Variants in AMD1 observed in about 807,000 individuals in gnomAD.
AMD1 encodes the protein adenosylmethionine decarboxylase 1, also known as S-adenosylmethionine decarboxylase proenzyme.
A neutral mutation model predicts 40.2 loss-of-function variants in AMD1; 11 were observed. The ratio of observed to expected loss-of-function variants is 0.27; its 90% CI spans 0.17 to 0.45. AMD1 has a LOEUF of 0.45. Ranked by LOEUF, AMD1 falls within the 20% of genes least tolerant of loss-of-function variation. The pLI, the probability that AMD1 is intolerant of heterozygous loss-of-function variation, is 1.00. For synonymous variants in AMD1, 121 were observed against 130.8 expected, an observed-to-expected ratio of 0.93 and a Z score of 0.51; for missense variants, 257 against 410.2, an observed-to-expected ratio of 0.63 and a Z score of 3.23.
At chr6:110,888,605 C>T (rs1371825244) in intron 2 of AMD1, 25 of 258,444 alleles carry the variant, frequency 9.7e-5, no homozygotes, top group East Asian at 3.6e-4. Context: ...TGTGCCTGGC[C>T]TCTCTCTTTT....
chr6:110,885,266 T>G (rs1011292423), intron 1 of AMD1, among the ~76,000 whole-genome samples: 1 of 151,838 alleles, frequency 6.6e-6, no homozygotes, highest in Non-Finnish European at 1.5e-5. Context: ...CGCCCACCAC[T>G]ACGCCCAGCT....
intron 1 of AMD1, among the ~76,000 whole-genome samples, chr6:110,885,365 G>A (rs1421916014): frequency 7.2e-5 from 11 of 151,988 alleles, no homozygotes; most frequent in Admixed American, 5.2e-4. Flanking sequence ...CATGCGCCTC[G>A]GCTGCCCAAA....
At chr6:110,862,520 G>A in the AMD1 span, among the ~76,000 whole-genome samples, 2 of 148,948 alleles carry the variant, frequency 1.3e-5, no homozygotes, top group Non-Finnish European at 3.0e-5. Context: ...AGATTGGAGT[G>A]CAGTGTTGAG....
At chr6:110,876,208 G>C (rs1188648703) in intron 1 of AMD1, among the ~76,000 whole-genome samples, 1 of 152,252 alleles carries the variant, frequency 6.6e-6, no homozygotes, top group African/African-American at 2.4e-5. Flanking sequence ...AAAGCCCAGA[G>C]ATCCCGTGGA....
At chr6:110,848,704 A>G in the AMD1 span, 1 of 322,400 alleles carries the variant, frequency 3.1e-6, no homozygotes, top group East Asian at 8.5e-5. Context: ...CTGATGGAGT[A>G]TTGATAGCCA....
the AMD1 span, among the ~76,000 whole-genome samples, chr6:110,841,438 T>A: frequency 6.6e-6 from 1 of 152,256 alleles, no homozygotes; most frequent in African/African-American, 2.4e-5. Context: ...CTGGGCTTGC[T>A]CACGGGCATG....
chr6:110,823,984 A>G, the AMD1 span, among the ~76,000 whole-genome samples: 9 of 152,228 alleles, frequency 5.9e-5, 1 homozygote, highest in South Asian at 6.2e-4. Context: ...GTAAATTAGT[A>G]CAACCTCTAT....
At chr6:110,879,320 C>T (rs1785279582) in intron 1 of AMD1, among the ~76,000 whole-genome samples, 1 of 152,198 alleles carries the variant, frequency 6.6e-6, no homozygotes, top group Non-Finnish European at 1.5e-5. Flanking sequence ...CACCAGTGCG[C>T]TCCATCTGGT....
At chr6:110,815,355 G>A in the AMD1 span, 6 of 409,528 alleles carry the variant, frequency 1.5e-5, no homozygotes, top group East Asian at 2.1e-4. Flanking sequence ...CCTCCTCCGC[G>A]ACGGCGGCGG....
the AMD1 span, chr6:110,859,119 C>G: frequency 1.5e-6 from 2 of 1,311,452 alleles, no homozygotes; most frequent in Non-Finnish European, 2.1e-6. Flanking sequence ...GAATATCCCC[C>G]TTACTACCAG....
At chr6:110,820,472 G>A in the AMD1 span, among the ~76,000 whole-genome samples, 2 of 151,932 alleles carry the variant, frequency 1.3e-5, no homozygotes, top group Admixed American at 1.3e-4. Flanking sequence ...CCGACCTCCA[G>A]GTGAGCTGCC....
the AMD1 span, among the ~76,000 whole-genome samples, chr6:110,852,520 C>T: frequency 6.6e-6 from 1 of 151,914 alleles, no homozygotes; most frequent in Non-Finnish European, 1.5e-5. Flanking sequence ...GCACCTGGCC[C>T]ATAATGAATT....
At chr6:110,815,295 A>G in the AMD1 span, 1 of 764,520 alleles carries the variant, frequency 1.3e-6, no homozygotes, top group African/African-American at 1.9e-5. Flanking sequence ...CGCCTTCAGC[A>G]AGGGACTCCT....
the AMD1 span, among the ~76,000 whole-genome samples, chr6:110,827,789 G>A: frequency 7.0e-3 from 1,046 of 149,586 alleles, 50 homozygotes; most frequent in East Asian, 0.097. Flanking sequence ...AAAACACTAC[G>A]AGAATGTTGC....
At chr6:110,855,221 T>A in the AMD1 span, among the ~76,000 whole-genome samples, 1 of 151,842 alleles carries the variant, frequency 6.6e-6, no homozygotes, top group Non-Finnish European at 1.5e-5. Context: ...AACCTTGAGA[T>A]CAAAGAAATA....
Position 110,893,965 on chromosome 6 carries a change from AAAATTCC to A in AMD1, c.*350_*356del. 5 of 216,778 alleles carry A rather than the reference AAAATTCC, an allele frequency of 2.3e-5. No individual in the cohort carries two copies. The highest frequency in any genetic ancestry group is 1.5e-4 in the South Asian group (2 of 13,346). The allele number at this position is 216,778 out of a possible 1,614,324, so 13.4% of individuals were successfully genotyped here. ...TGTAATATTTCTCCAAGTATCATCC[AAAATTCC>A]CCACAGACAAGGCTTTCGTCCTCAT... On this transcript the variant is annotated 3_prime_UTR_variant, in exon 9 of 9. Transcript: ENST00000368885.
chr6:110,893,578 A>G lies in AMD1; in HGVS notation c.967A>G (p.Thr323Ala), dbSNP rs571760533. The G allele has an allele frequency of 2.0e-5, 32 of 1,613,984 alleles. No individual in the cohort carries two copies. In the South Asian group the frequency reaches 3.4e-4, roughly 17 times the overall value. ...GTTCAATGATTACAATTTTGTTTTT[A>G]CCAGTTTTGCTAAGAAGCAGCAACA... ...AMFNDYNFVF[T>A]SFAKKQQQQQ... The change falls in exon 9 of 9, where the codon ACC becomes GCC. Residue 323 changes from threonine to alanine, a missense_variant. By Grantham distance (58) the Thr-to-Ala change is moderately conservative. This residue lies in a region of AMD1 where 192 missense variants were observed against 296.5 expected (regional missense o/e 0.65). Coordinates refer to ENST00000368885, the MANE Select transcript of AMD1 (RefSeq NM_001634.6).
chr6:110,875,691 C>G (rs45491006), intron 1 of AMD1: 1,990 of 153,242 alleles, frequency 0.013, 24 homozygotes, highest in Non-Finnish European at 0.02. Context: ...AGGGCGGGAG[C>G]GGCGCTTGTT....
chr6:110,835,703 T>C, the AMD1 span, among the ~76,000 whole-genome samples: 1 of 151,810 alleles, frequency 6.6e-6, no homozygotes, highest in Non-Finnish European at 1.5e-5. Flanking sequence ...ATGTCTCTAT[T>C]AAAGTACAAA....
Sources: allele counts gnomAD v4.1 joint callset (sites outside exome capture counted in the v4.1 genomes callset), GRCh38; gene constraint gnomAD v4.1.1; regional missense constraint gnomAD v4.1.1; transcripts MANE v1.5; gene names NCBI Gene and HGNC (gene_info 2026-07-23, HGNC 2026-07-21).